The following DTL variants were observed in gnomAD, a reference collection of about 807,000 sequenced individuals.
DTL encodes denticleless protein homolog.
DTL carries 46 observed loss-of-function variants against 87.0 expected under a neutral mutation model. The observed-to-expected ratio is 0.53, with a 90% CI of 0.42 to 0.68. The LOEUF (loss-of-function observed/expected upper bound fraction) is 0.68. DTL is among the 30% of genes least tolerant of loss of function. The pLI is 0.00. For missense variants in DTL, 737 were observed against 869.4 expected (o/e 0.85, Z 1.91); for synonymous variants, 308 against 311.2 (o/e 0.99, Z 0.11).
At chr1:212,067,702 A>C (rs1020880573) in intron 8 of DTL, among the ~76,000 whole-genome samples, 2 of 152,202 alleles carry the variant, frequency 1.3e-5, no homozygotes, top group African/African-American at 4.8e-5. Context: ...CTGTCATTTC[A>C]TAGCAGGTCT....
chr1:212,069,593 T>C (rs1418376055), intron 10 of DTL, among the ~76,000 whole-genome samples: 2 of 152,014 alleles, frequency 1.3e-5, no homozygotes, highest in Non-Finnish European at 2.9e-5. Flanking sequence ...TTGCCCAGGC[T>C]GGAGTGCAGT....
chr1:212,085,661 T>G (rs979844215), intron 13 of DTL, among the ~76,000 whole-genome samples: 1 of 131,964 alleles, frequency 7.6e-6, no homozygotes, highest in Non-Finnish European at 1.7e-5. Flanking sequence ...TCAGTTTATC[T>G]GTTTTTTCCT....
At chr1:212,070,375 G>A (rs958715608) in intron 10 of DTL, among the ~76,000 whole-genome samples, 4 of 152,098 alleles carry the variant, frequency 2.6e-5, no homozygotes, top group South Asian at 2.1e-4. Flanking sequence ...AACCCAAGCC[G>A]AGGCTGGCAG....
chr1:212,040,529 C>T (rs1029634693), intron 1 of DTL, among the ~76,000 whole-genome samples: 5 of 152,188 alleles, frequency 3.3e-5, no homozygotes, highest in African/African-American at 1.2e-4. Flanking sequence ...GGTGGCCTCT[C>T]GGAATATCTC....
intron 11 of DTL, 146 bp downstream of exon 11, chr1:212,072,359 A>G (rs2102557977): frequency 1.6e-6 from 1 of 644,302 alleles, no homozygotes. Flanking sequence ...TTGGCTCTTA[A>G]TATAGCTGAA....
chr1:212,100,151 A>G, intron 13 of DTL, 101 bp from the exon 14 acceptor site: 2 of 818,722 alleles, frequency 2.4e-6, no homozygotes, highest in Non-Finnish European at 1.9e-6. Context: ...TGGCAAATTG[A>G]CCCTTAGATG....
At chr1:212,050,705 G>C (rs1027973294) in intron 5 of DTL, among the ~76,000 whole-genome samples, 1 of 124,168 alleles carries the variant, frequency 8.1e-6, no homozygotes, top group African/African-American at 2.9e-5. Context: ...CTCTCTATTG[G>C]CTGTTTCTCC....
chr1:212,083,348 A>C (rs1055393985), intron 13 of DTL, among the ~76,000 whole-genome samples: 15 of 152,170 alleles, frequency 9.9e-5, no homozygotes, highest in Non-Finnish European at 7.4e-5. Context: ...TCCCTCCCAC[A>C]ACACATGGGA....
At chr1:212,093,289 A>C (rs1655340604) in intron 13 of DTL, among the ~76,000 whole-genome samples, 1 of 152,154 alleles carries the variant, frequency 6.6e-6, no homozygotes, top group South Asian at 2.1e-4. Context: ...CTGAAGCCCC[A>C]GTGGGCGTGT....
intron 13 of DTL, among the ~76,000 whole-genome samples, chr1:212,087,278 G>A (rs547255123): frequency 3.3e-5 from 5 of 152,238 alleles, no homozygotes; most frequent in East Asian, 1.9e-4. Context: ...GGCTGGGTGC[G>A]GTGGCTCACG....
intron 5 of DTL, among the ~76,000 whole-genome samples, chr1:212,047,930 AAGTC>A (rs371397710): frequency 1.0e-3 from 153 of 152,350 alleles, no homozygotes; most frequent in African/African-American, 3.7e-3. Context: ...TTGTCCCTGA[AAGTC>A]AAGAGTCTTT....
rs140605625 is a variant in DTL, at chr1:212,082,957, G to T, written c.1261+2207G>T. Among the ~76,000 whole-genome samples the T allele has an allele frequency of 2.6e-5, 4 of 152,290 alleles. No individual in the cohort carries two copies. In the East Asian group the frequency reaches 7.7e-4, roughly 29 times the overall value. On this transcript the variant is annotated intron_variant, in intron 13 of 14. Transcript: ENST00000366991. The stretch of plus-strand genomic sequence containing the variant: ...TAGGTAGAGAGCTAGATTTAACCAG[G>T]GATGTGGTTTAGCAATGCAAGTGAA...
chr1:212,100,543 C>G lies in DTL; in HGVS notation c.1553C>G (p.Pro518Arg). 6.2e-7 allele frequency: 1 copy of G among 1,614,076 alleles called. No homozygotes were observed. ...TCCTCATCACCACCCATCACTCCAC[C>G]TGCTTCGGAGACCAAGATCATGTCT... ...TPSSSPPITP[P>R]ASETKIMSPR... Residue 518 changes from proline (P) to arginine (R), a missense_variant, in exon 14 of 15, where the codon CCT becomes CGT. By Grantham distance (103) the Pro-to-Arg change is moderately radical (BLOSUM62 -2). Coordinates refer to ENST00000366991, the MANE Select transcript of DTL (RefSeq NM_016448.4).
At chr1:212,050,940 T>C (rs947555798) in intron 5 of DTL, among the ~76,000 whole-genome samples, 2 of 152,136 alleles carry the variant, frequency 1.3e-5, no homozygotes, top group Non-Finnish European at 2.9e-5. Context: ...GTTACACTTT[T>C]GGTCTTTTAT....
rs1655729723 is a variant in DTL at position 212,104,835 on chromosome 1, C to T, written c.*1895C>T. 1 of 152,086 alleles carries T rather than the reference C, an allele frequency of 6.6e-6. No individual in the cohort carries two copies. The highest frequency in any genetic ancestry group is 6.6e-5 in the Admixed American group (1 of 15,264). The allele number at this position is 152,086 out of a possible 1,614,324, so 9.4% of individuals were successfully genotyped here. ...TTGAGCTGATCCTGAATAATAAAGC[C>T]TTTTACCTTATCTGATGTCCTTTTC... On this transcript the variant is annotated 3_prime_UTR_variant, in exon 15 of 15. Coordinates refer to ENST00000366991, the MANE Select transcript of DTL (RefSeq NM_016448.4).
intron 5 of DTL, among the ~76,000 whole-genome samples, chr1:212,061,148 C>T (rs1267176820): frequency 6.6e-6 from 1 of 151,910 alleles, no homozygotes. Context: ...CTACTGTAGT[C>T]CCAGCTACTT....
intron 14 of DTL, 46 bp downstream of exon 14, chr1:212,101,130 GCCA>G: frequency 7.4e-7 from 1 of 1,346,808 alleles, no homozygotes; most frequent in Non-Finnish European, 1.0e-6. Context: ...CTTAAAAGGG[GCCA>G]GACACCCAGA....
chr1:212,068,367 T>C, intron 9 of DTL, 40 bp downstream of exon 9: 2 of 1,335,454 alleles, frequency 1.5e-6, no homozygotes, highest in Non-Finnish European at 2.1e-6. Context: ...ATAAGAGTTT[T>C]TGTTTAAAAA....
rs765518413 is a variant in DTL, at chr1:212,100,332, G to A, written c.1342G>A (p.Ala448Thr). 2.3e-5 allele frequency: 37 copies of A among 1,613,110 alleles called. No homozygotes were observed. The highest frequency in any genetic ancestry group is 1.5e-4 in the African/African-American group (11 of 74,780). ...TCCATCCAATTCTTCCCCGTCATCCGCAGCTTGTGCCCCAAGCTGTGCTGG... is the reference window on the plus strand; with the variant it reads ...TCCATCCAATTCTTCCCCGTCATCCACAGCTTGTGCCCCAAGCTGTGCTGG... The part of the protein sequence containing the change: ...CNPSNSSPSS[A>T]ACAPSCAGDL... The change falls in exon 14 of 15, where the codon GCA (alanine) becomes ACA (threonine). Residue 448 changes from alanine (A) to threonine (T), a missense_variant. Coordinates refer to ENST00000366991, the MANE Select transcript of DTL (RefSeq NM_016448.4).
Sources: allele counts gnomAD v4.1 joint callset (sites outside exome capture counted in the v4.1 genomes callset), GRCh38; gene constraint gnomAD v4.1.1; transcripts MANE v1.5; gene names NCBI Gene and HGNC (gene_info 2026-07-23, HGNC 2026-07-21).